PDE1C: variants seen among roughly 807,000 people sequenced by gnomAD.
The protein encoded by PDE1C is dual specificity calcium/calmodulin-dependent 3',5'-cyclic nucleotide phosphodiesterase 1C.
In PDE1C, 62 loss-of-function variants were observed where a neutral mutation model predicts 93.1. That is an observed-to-expected ratio of 0.67 (90% confidence interval 0.54 to 0.82). The LOEUF is 0.82. Ranked by LOEUF, PDE1C falls within the 40% of genes least tolerant of loss-of-function variation. PDE1C has a pLI of 0.00. For synonymous variants in PDE1C, 325 were observed against 310.1 expected, an observed-to-expected ratio of 1.05 and a Z score of -0.50; for missense variants, 742 against 884.6, an observed-to-expected ratio of 0.84 and a Z score of 2.04.
At chr7:32,103,186 G>C (rs1798120067) in intron 3 of PDE1C, among the ~76,000 whole-genome samples, 1 of 152,170 alleles carries the variant, frequency 6.6e-6, no homozygotes, top group Non-Finnish European at 1.5e-5. Flanking sequence ...AGACATTAGA[G>C]AGTGAGAAAT....
At chr7:32,264,100 C>T (rs1317017568) in intron 1 of PDE1C, among the ~76,000 whole-genome samples, 5 of 152,100 alleles carry the variant, frequency 3.3e-5, no homozygotes, top group South Asian at 2.1e-4. Flanking sequence ...ATCTTTACCA[C>T]GATGGATGCA....
chr7:31,930,198 C>T (rs1331836678), intron 2 of PDE1C, among the ~76,000 whole-genome samples: 1 of 152,110 alleles, frequency 6.6e-6, no homozygotes. Context: ...ATACACCCTC[C>T]CAGGACTAAA....
At chr7:32,197,882 G>A (rs1462787458) in intron 2 of PDE1C, among the ~76,000 whole-genome samples, 1 of 152,182 alleles carries the variant, frequency 6.6e-6, no homozygotes, top group African/African-American at 2.4e-5. Flanking sequence ...TTATGTTGAT[G>A]ATGGTGGCAC....
At chr7:32,356,495 C>G (rs1170200723) in intron 1 of PDE1C, among the ~76,000 whole-genome samples, 4 of 152,130 alleles carry the variant, frequency 2.6e-5, no homozygotes, top group African/African-American at 9.7e-5. Context: ...TTTCCTTAAC[C>G]CAGGTGTTTT....
chr7:32,202,336 C>G (rs113554937), intron 2 of PDE1C, among the ~76,000 whole-genome samples: 1 of 152,196 alleles, frequency 6.6e-6, no homozygotes, highest in Non-Finnish European at 1.5e-5. Flanking sequence ...TACCCCCATA[C>G]ACATGCCAGT....
chr7:31,987,210 T>C (rs1584337734), intron 2 of PDE1C, among the ~76,000 whole-genome samples: 1 of 152,216 alleles, frequency 6.6e-6, no homozygotes, highest in African/African-American at 2.4e-5. Flanking sequence ...GCTCTTTACA[T>C]TGTTTATTCA....
intron 1 of PDE1C, among the ~76,000 whole-genome samples, chr7:32,393,118 C>G (rs1286149455): frequency 6.6e-6 from 1 of 150,416 alleles, no homozygotes; most frequent in Non-Finnish European, 1.5e-5. Context: ...ATTTCCTCAC[C>G]TTGCTGAAGA....
intron 1 of PDE1C, among the ~76,000 whole-genome samples, chr7:32,283,212 TGAA>T (rs769015592): frequency 9.2e-5 from 14 of 152,172 alleles, no homozygotes; most frequent in Admixed American, 2.0e-4. Flanking sequence ...AAAACTGTGA[TGAA>T]GAAGAATATT....
At chr7:31,737,586 G>C in the PDE1C span, among the ~76,000 whole-genome samples, 1 of 152,082 alleles carries the variant, frequency 6.6e-6, no homozygotes, top group African/African-American at 2.4e-5. Context: ...CGGATCACCT[G>C]AGGTCAGGAG....
chr7:32,292,278 G>A (rs1161079496), intron 1 of PDE1C, among the ~76,000 whole-genome samples: 1 of 150,852 alleles, frequency 6.6e-6, no homozygotes, highest in South Asian at 2.1e-4. Context: ...ATTTGTTGAG[G>A]TAAGAACACT....
intron 2 of PDE1C, among the ~76,000 whole-genome samples, chr7:32,182,838 T>C (rs1465311690): frequency 1.3e-5 from 2 of 152,054 alleles, no homozygotes; most frequent in Non-Finnish European, 2.9e-5. Flanking sequence ...GGTATTCAAT[T>C]AGGAAAAGAG....
chr7:32,083,918 C>G (rs942106328), intron 3 of PDE1C, among the ~76,000 whole-genome samples: 2 of 151,548 alleles, frequency 1.3e-5, no homozygotes, highest in South Asian at 2.1e-4. Flanking sequence ...TAAAGACCAT[C>G]GAGACTAGGA....
In PDE1C at chr7:31,753,321, C is replaced by T. The variant is rs1794227451; in HGVS notation, c.*63G>A. On this transcript the variant is annotated 3_prime_UTR_variant, in exon 18 of 18. Coordinates refer to ENST00000396191, the MANE Select transcript of PDE1C (RefSeq NM_001191057.4). ...GTCTTGGAGGTGTGTCCTGCTGTGG[C>T]CAGTGGGTGCTGAGAAGCAGATAGG... is the stretch of plus-strand genomic sequence containing the variant. 1 of 1,565,020 alleles carries T rather than the reference C, an allele frequency of 6.4e-7. No homozygotes were observed. The highest frequency in any genetic ancestry group is 1.2e-5 in the South Asian group (1 of 80,992).
chr7:31,617,210 T>C, the PDE1C span, among the ~76,000 whole-genome samples: 1 of 152,168 alleles, frequency 6.6e-6, no homozygotes, highest in East Asian at 1.9e-4. Context: ...ATTTCTTCTA[T>C]AAACTCAATA....
In PDE1C at chr7:31,976,673, T is replaced by A. The variant is rs142628641; in HGVS notation, c.128+74881A>T. Among the ~76,000 whole-genome samples, 4 of 152,308 alleles carry A rather than the reference T, an allele frequency of 2.6e-5. No individual in the cohort carries two copies. In the East Asian group the frequency reaches 5.8e-4, roughly 22 times the overall value. ...TGGTCTACACCACTAGTCTCTCATATGGACAATTCCAGCAGCTTTATACCC... is the reference window on the plus strand; with the variant it reads ...TGGTCTACACCACTAGTCTCTCATAAGGACAATTCCAGCAGCTTTATACCC... On this transcript the variant is annotated intron_variant, in intron 2 of 17. Transcript: ENST00000396191.
intron 2 of PDE1C, among the ~76,000 whole-genome samples, chr7:32,188,500 G>T (rs1021495682): frequency 6.6e-6 from 1 of 152,008 alleles, no homozygotes; most frequent in African/African-American, 2.4e-5. Flanking sequence ...TTTTGTTGCT[G>T]TAATTTTTAT....
the PDE1C span, among the ~76,000 whole-genome samples, chr7:31,727,036 C>T: frequency 6.6e-6 from 1 of 150,816 alleles, no homozygotes. Flanking sequence ...AACTCTGTCT[C>T]AAAAAAGAAA....
At chr7:31,674,436 G>GAGAAA in the PDE1C span, among the ~76,000 whole-genome samples, 1 of 152,084 alleles carries the variant, frequency 6.6e-6, no homozygotes, top group Admixed American at 6.6e-5. Context: ...TGTTAGAAAT[G>GAGAAA]AGAAAAGAAA....
chr7:32,157,269 T>C (rs1801631924), intron 3 of PDE1C, among the ~76,000 whole-genome samples: 1 of 152,208 alleles, frequency 6.6e-6, no homozygotes, highest in Admixed American at 6.6e-5. Context: ...TAGTATTCGA[T>C]AGTACAATAG....
Sources: gnomAD v4.1 joint callset for allele counts (sites outside exome capture counted in the v4.1 genomes callset) on GRCh38, gnomAD v4.1.1 for gene constraint, MANE v1.5 for transcripts, NCBI Gene and HGNC (gene_info 2026-07-23, HGNC 2026-07-21) for gene names.